SH3RF3: variants seen among roughly 807,000 people sequenced by gnomAD.
SH3RF3 encodes the protein SH3 domain containing ring finger 3, also known as E3 ubiquitin-protein ligase SH3RF3.
Under a neutral mutation model 66.3 loss-of-function variants are expected in SH3RF3, and 29 were observed. The ratio of observed to expected loss-of-function variants is 0.44; its 90% CI spans 0.33 to 0.60. The LOEUF is 0.60. SH3RF3 is among the 20% of genes least tolerant of loss of function. The pLI is 0.04. For synonymous variants in SH3RF3, 583 were observed against 532.0 expected (o/e 1.10, Z -1.32); for missense variants, 1,194 against 1,190.9 (o/e 1.00, Z -0.04).
At chr2:109,388,042 C>T (rs1043911294) in intron 3 of SH3RF3, among the ~76,000 whole-genome samples, 5 of 152,192 alleles carry the variant, frequency 3.3e-5, no homozygotes, top group Non-Finnish European at 5.9e-5. Context: ...CCTGTTCAGC[C>T]CTCACAGCCT....
rs946482206 is a variant in SH3RF3 at position 109,403,468 on chromosome 2, T to C, written c.1299+4525T>C. 2.0e-5 allele frequency among the ~76,000 whole-genome samples: 3 copies of C among 152,356 alleles called. No homozygotes were observed. The South Asian group carries it at 6.2e-4, about 32-fold the overall frequency. On this transcript the variant is annotated intron_variant, in intron 4 of 9. Transcript: ENST00000309415. ...TGGTGACACCTCAGGGCTGTACTTC[T>C]GTGCCAGCCCTCCCTGGCCTTCCAG... is the stretch of plus-strand genomic sequence containing the variant.
At chr2:109,171,313 C>G (rs979680324) in intron 1 of SH3RF3, among the ~76,000 whole-genome samples, 1 of 152,052 alleles carries the variant, frequency 6.6e-6, no homozygotes, top group African/African-American at 2.4e-5. Context: ...ATATCTATTT[C>G]TTATCTATAG....
At chr2:109,343,421 C>T (rs1682602776) in intron 1 of SH3RF3, among the ~76,000 whole-genome samples, 3 of 152,062 alleles carry the variant, frequency 2.0e-5, no homozygotes, top group Admixed American at 2.0e-4. Context: ...GTTCATTCCC[C>T]CTCTTGGTTT....
At chr2:109,382,374 GC>G (rs1297039165) in intron 3 of SH3RF3, among the ~76,000 whole-genome samples, 2 of 151,554 alleles carry the variant, frequency 1.3e-5, no homozygotes, top group East Asian at 3.9e-4. Flanking sequence ...TCAGCCTGGG[GC>G]TGAGGCTGCC....
At chr2:109,195,251 A>G (rs941989224) in intron 1 of SH3RF3, among the ~76,000 whole-genome samples, 1 of 152,206 alleles carries the variant, frequency 6.6e-6, no homozygotes, top group African/African-American at 2.4e-5. Flanking sequence ...CTAGGACTGC[A>G]GTCCATGGGA....
chr2:109,283,575 C>T (rs985096930), intron 1 of SH3RF3, among the ~76,000 whole-genome samples: 1 of 152,170 alleles, frequency 6.6e-6, no homozygotes, highest in African/African-American at 2.4e-5. Context: ...AGGATGGGGG[C>T]ACACTTCAGC....
At chr2:109,178,907 T>C (rs1463089153) in intron 1 of SH3RF3, among the ~76,000 whole-genome samples, 12 of 152,174 alleles carry the variant, frequency 7.9e-5, no homozygotes, top group African/African-American at 2.9e-4. Context: ...AGAAAGTAGT[T>C]ATGGACCATC....
intron 1 of SH3RF3, among the ~76,000 whole-genome samples, chr2:109,268,595 C>T (rs915770640): frequency 3.2e-4 from 49 of 152,318 alleles, no homozygotes; most frequent in South Asian, 1.2e-3. Flanking sequence ...GGGAGAGGTC[C>T]CCCACTGAAC....
intron 8 of SH3RF3, among the ~76,000 whole-genome samples, chr2:109,483,387 C>T (rs1335891175): frequency 1.3e-5 from 2 of 152,196 alleles, no homozygotes; most frequent in African/African-American, 4.8e-5. Context: ...GCCTCACTCA[C>T]TGCTTGCTAG....
intron 5 of SH3RF3, among the ~76,000 whole-genome samples, chr2:109,427,505 A>T (rs1677060930): frequency 6.6e-6 from 1 of 152,164 alleles, no homozygotes; most frequent in African/African-American, 2.4e-5. Context: ...GCTGGGCCTT[A>T]CACCAGGAGC....
chr2:109,234,499 C>T (rs1270840183), intron 1 of SH3RF3, among the ~76,000 whole-genome samples: 1 of 152,198 alleles, frequency 6.6e-6, no homozygotes, highest in Admixed American at 6.5e-5. Flanking sequence ...TTCTTCTCAG[C>T]GAGTAGCTTG....
intron 8 of SH3RF3, among the ~76,000 whole-genome samples, chr2:109,451,766 A>G (rs541296613): frequency 2.0e-5 from 3 of 152,350 alleles, no homozygotes; most frequent in South Asian, 2.1e-4. Context: ...ACATGCAGGG[A>G]CGCCCTGCCA....
At chr2:109,391,171 C>T (rs1675982131) in intron 3 of SH3RF3, among the ~76,000 whole-genome samples, 1 of 152,260 alleles carries the variant, frequency 6.6e-6, no homozygotes, top group African/African-American at 2.4e-5. Context: ...TGTACTCAGG[C>T]TTTACGTGCA....
intron 1 of SH3RF3, among the ~76,000 whole-genome samples, chr2:109,210,105 A>G (rs1294789590): frequency 6.6e-6 from 1 of 152,204 alleles, no homozygotes; most frequent in African/African-American, 2.4e-5. Context: ...GGTCCTCAGG[A>G]TTCATCGACA....
intron 5 of SH3RF3, among the ~76,000 whole-genome samples, chr2:109,420,621 A>G (rs1676851074): frequency 6.6e-6 from 1 of 151,840 alleles, no homozygotes. Context: ...AAATTTTTGT[A>G]TTTTTAGTAG....
chr2:109,352,540 C>T (rs989412478), intron 2 of SH3RF3, among the ~76,000 whole-genome samples: 12 of 152,206 alleles, frequency 7.9e-5, no homozygotes, highest in South Asian at 4.1e-4. Context: ...GGGGCCGAGA[C>T]GATGAGGAAA....
intron 1 of SH3RF3, among the ~76,000 whole-genome samples, chr2:109,132,022 AGTTG>A (rs1380439070): frequency 3.3e-5 from 5 of 152,210 alleles, no homozygotes; most frequent in African/African-American, 1.2e-4. Context: ...AACCCTATAC[AGTTG>A]GTTGACAAAG....
intron 8 of SH3RF3, among the ~76,000 whole-genome samples, chr2:109,468,810 C>A (rs894588649): frequency 7.1e-6 from 1 of 141,086 alleles, no homozygotes; most frequent in African/African-American, 2.7e-5. Context: ...GCCAAGATCG[C>A]GGCAGTGCAC....
intron 1 of SH3RF3, among the ~76,000 whole-genome samples, chr2:109,217,703 T>A (rs1446891649): frequency 6.6e-6 from 1 of 152,190 alleles, no homozygotes; most frequent in Non-Finnish European, 1.5e-5. Flanking sequence ...GAAGACCTTT[T>A]TGGGGGAGGG....
Sources: allele counts gnomAD v4.1 joint callset (sites outside exome capture counted in the v4.1 genomes callset), GRCh38; gene constraint gnomAD v4.1.1; transcripts MANE v1.5; gene names NCBI Gene and HGNC (gene_info 2026-07-23, HGNC 2026-07-21).